PHF20: variants seen among roughly 807,000 people sequenced by gnomAD.
PHF20 encodes PHD finger protein 20.
PHF20 carries 23 observed loss-of-function variants against 113.5 expected under a neutral mutation model. The observed-to-expected ratio is 0.20, with a 90% CI of 0.15 to 0.29. The LOEUF is 0.29. PHF20 is among the 10% of genes least tolerant of loss of function. The pLI is 1.00. For synonymous variants in PHF20, 434 were observed against 457.3 expected (o/e 0.95, Z 0.65); for missense variants, 943 against 1,219.6 (o/e 0.77, Z 3.38).
At chr20:35,811,465 G>A (rs2041976350) in intron 2 of PHF20, among the ~76,000 whole-genome samples, 1 of 141,200 alleles carries the variant, frequency 7.1e-6, no homozygotes. Context: ...TTTTTGAGAT[G>A]GAGTTTTGCT....
At chr20:35,845,883 C>G (rs2146942889) in intron 3 of PHF20, among the ~76,000 whole-genome samples, 1 of 147,664 alleles carries the variant, frequency 6.8e-6, no homozygotes, top group Middle Eastern at 3.8e-3. Context: ...TCAAGTGATT[C>G]TCGAGTCTTA....
chr20:35,873,837 CCTTAA>C (rs2054470625), intron 9 of PHF20, among the ~76,000 whole-genome samples: 1 of 152,128 alleles, frequency 6.6e-6, no homozygotes, highest in African/African-American at 2.4e-5. Flanking sequence ...TGGTATACAT[CCTTAA>C]CTTCTCACAG....
At position 35,863,326 on chromosome 20, in the gene PHF20, T is replaced by C; in HGVS notation, c.734T>C (p.Ile245Thr). Residue 245 changes from isoleucine to threonine, a missense_variant, in exon 6 of 18, where the codon ATT becomes ACT. This residue lies in a region of PHF20 where 592 missense variants were observed against 787.2 expected (regional missense o/e 0.75). Transcript: ENST00000374012. Reference protein sequence around the residue: ...AQVDKKPENDIVKSPQENLRE... With the variant: ...AQVDKKPENDTVKSPQENLRE... Reference sequence around the variant, plus strand: ...GTGGATAAGAAACCTGAAAATGACATTGTGAAGAGTCCACAAGAAAACTTG... The same window carrying C: ...GTGGATAAGAAACCTGAAAATGACACTGTGAAGAGTCCACAAGAAAACTTG... 6.2e-7 allele frequency: 1 copy of C among 1,613,646 alleles called. No homozygotes were observed. The highest frequency in any genetic ancestry group is 8.5e-7 in the Non-Finnish European group (1 of 1,179,912).
chr20:35,891,009 A>G (rs2054839367), intron 9 of PHF20, among the ~76,000 whole-genome samples: 1 of 152,248 alleles, frequency 6.6e-6, no homozygotes, highest in South Asian at 2.1e-4. Context: ...AACAATGAGG[A>G]AACAGTCTTG....
chr20:35,903,009 CTTTTCTT>C (rs1444263163), intron 10 of PHF20, among the ~76,000 whole-genome samples: 3 of 117,738 alleles, frequency 2.5e-5, no homozygotes, highest in Admixed American at 8.1e-5. Context: ...GACTGATTTT[CTTTTCTT>C]TTTTCTTTTT....
At chr20:35,861,526 A>G (rs1268310515) in intron 5 of PHF20, among the ~76,000 whole-genome samples, 1 of 152,134 alleles carries the variant, frequency 6.6e-6, no homozygotes, top group Non-Finnish European at 1.5e-5. Context: ...GTATTCTGTA[A>G]TATGTATGTA....
At chr20:35,937,929 T>C (rs1049610235) in intron 15 of PHF20, among the ~76,000 whole-genome samples, 1 of 152,120 alleles carries the variant, frequency 6.6e-6, no homozygotes. Context: ...TGGAGTGCAG[T>C]GGCGCAATCT....
Position 35,772,047 on chromosome 20 carries a change from C to G in PHF20, c.-65C>G, listed in dbSNP as rs951327573. Reference sequence around the variant, plus strand: ...ACGCAGAGTCCTTCTGTCGGTTGGTCCTGGAGCGGCGCAGCCGGAGTGGGG... The same window carrying G: ...ACGCAGAGTCCTTCTGTCGGTTGGTGCTGGAGCGGCGCAGCCGGAGTGGGG... On this transcript the variant is annotated 5_prime_UTR_variant, in exon 1 of 18. Coordinates refer to ENST00000374012, the MANE Select transcript of PHF20 (RefSeq NM_016436.5). The G allele has an allele frequency of 2.6e-5, 4 of 152,010 alleles. No individual in the cohort carries two copies. The highest frequency in any genetic ancestry group is 7.3e-5 in the African/African-American group (3 of 41,374). 9.4% of individuals were successfully genotyped at this position (152,010 alleles called of 1,614,324 possible). A position where few individuals can be genotyped will look rare whatever the true frequency, so the allele number is the denominator to read the frequency against.
intron 4 of PHF20, among the ~76,000 whole-genome samples, chr20:35,848,813 T>A (rs1427978733): frequency 6.7e-6 from 1 of 150,104 alleles, no homozygotes; most frequent in African/African-American, 2.5e-5. Context: ...GCTATGATAG[T>A]GTCATTGTAC....
chr20:35,926,065 T>G (rs1226222684), intron 13 of PHF20, among the ~76,000 whole-genome samples: 3 of 136,860 alleles, frequency 2.2e-5, no homozygotes, highest in African/African-American at 8.4e-5. Flanking sequence ...GAGGTTGCAG[T>G]GAGCCGAGAT....
intron 2 of PHF20, among the ~76,000 whole-genome samples, chr20:35,814,063 TA>T (rs1468272290): frequency 8.0e-5 from 12 of 149,394 alleles, no homozygotes; most frequent in Middle Eastern, 3.2e-3. Context: ...AATAAATAAA[TA>T]AAATAAAACA....
chr20:35,825,315 G>A (rs2042242168), intron 2 of PHF20, among the ~76,000 whole-genome samples: 1 of 152,000 alleles, frequency 6.6e-6, no homozygotes, highest in African/African-American at 2.4e-5. Flanking sequence ...ATACCACCGT[G>A]CCCAGCTATT....
At chr20:35,834,726 T>G (rs969884111) in intron 2 of PHF20, among the ~76,000 whole-genome samples, 1 of 152,176 alleles carries the variant, frequency 6.6e-6, no homozygotes, top group Non-Finnish European at 1.5e-5. Flanking sequence ...CCTAGCAGTT[T>G]GTTTGTCTCA....
chr20:35,921,754 A>AT (rs922336604), intron 13 of PHF20, among the ~76,000 whole-genome samples: 10 of 139,024 alleles, frequency 7.2e-5, no homozygotes, highest in East Asian at 2.2e-4. Context: ...TTTTTAGTAG[A>AT]TTTTTTTTAA....
At chr20:35,928,439 CAAAAAAA>C (rs11307574) in intron 14 of PHF20, 3 of 57,746 alleles carry the variant, frequency 5.2e-5, no homozygotes, top group Admixed American at 2.5e-4. Context: ...AACTTCGTCT[CAAAAAAA>C]AAAAAAAAAA....
chr20:35,881,450 C>T lies in PHF20; in HGVS notation c.1282+9621C>T, dbSNP rs1219868826. ...CAGCTACTTGGGAGGCTGAGGTGGG[C>T]GAATTGCTTGAACCCAGGAGGTGGA... On this transcript the variant is annotated intron_variant, in intron 9 of 17. Transcript: ENST00000374012. 2.7e-5 allele frequency among the ~76,000 whole-genome samples: 4 copies of T among 149,020 alleles called. No homozygotes were observed. In the East Asian group the frequency reaches 6.0e-4, roughly 22 times the overall value.
At chr20:35,775,248 C>T (rs1057084299) in intron 1 of PHF20, among the ~76,000 whole-genome samples, 1 of 152,110 alleles carries the variant, frequency 6.6e-6, no homozygotes, top group Non-Finnish European at 1.5e-5. Context: ...TTCTGATTTG[C>T]AGGTGATGCT....
intron 2 of PHF20, among the ~76,000 whole-genome samples, chr20:35,818,584 G>T (rs8184311): frequency 6.6e-6 from 1 of 152,040 alleles, no homozygotes; most frequent in Admixed American, 6.6e-5. Context: ...CTGTCACCAA[G>T]GCTGGAGTGC....
At chr20:35,858,129 A>G (rs942266781) in intron 4 of PHF20, among the ~76,000 whole-genome samples, 173 bp from the exon 5 acceptor site, 1 of 152,226 alleles carries the variant, frequency 6.6e-6, no homozygotes, top group Non-Finnish European at 1.5e-5. Flanking sequence ...CTAAGAAATG[A>G]AGATAAGCAT....
Sources: allele counts gnomAD v4.1 joint callset (sites outside exome capture counted in the v4.1 genomes callset), GRCh38; gene constraint gnomAD v4.1.1; regional missense constraint gnomAD v4.1.1; transcripts MANE v1.5; gene names NCBI Gene and HGNC (gene_info 2026-07-23, HGNC 2026-07-21).